The following KCTD8 variants were observed in gnomAD, a reference collection of about 807,000 sequenced individuals.
KCTD8 encodes potassium channel tetramerization domain containing 8, also known as BTB/POZ domain-containing protein KCTD8.
In KCTD8, 27 loss-of-function variants were observed where a neutral mutation model predicts 31.5. The observed-to-expected ratio is 0.86, with a 90% CI of 0.63 to 1.18. The LOEUF is 1.18. Among genes scored for constraint, KCTD8 ranks in the 50% most tolerant of loss-of-function variants. KCTD8 has a pLI of 0.00. For missense variants in KCTD8, 658 were observed against 647.7 expected (o/e 1.02, Z -0.17); for synonymous variants, 290 against 280.0 (o/e 1.04, Z -0.36).
chr4:44,349,097 T>TACCACC (rs140806249), intron 1 of KCTD8, among the ~76,000 whole-genome samples: 2 of 149,440 alleles, frequency 1.3e-5, no homozygotes, highest in African/African-American at 2.5e-5. Context: ...CCACCACCAC[T>TACCACC]ACCACCAATG....
intron 1 of KCTD8, among the ~76,000 whole-genome samples, chr4:44,184,144 G>A (rs2109331780): frequency 6.6e-6 from 1 of 152,328 alleles, no homozygotes; most frequent in South Asian, 2.1e-4. Flanking sequence ...AAGTGCAGAT[G>A]TAGCTAAAGT....
chr4:44,325,144 C>A (rs762838975), intron 1 of KCTD8, among the ~76,000 whole-genome samples: 7 of 151,780 alleles, frequency 4.6e-5, no homozygotes, highest in Non-Finnish European at 8.8e-5. Context: ...TTGAATGCAC[C>A]CTATGTAAAT....
intron 1 of KCTD8, among the ~76,000 whole-genome samples, chr4:44,189,411 TCAACCA>T: frequency 7.3e-6 from 1 of 136,126 alleles, no homozygotes; most frequent in Non-Finnish European, 1.6e-5. Context: ...ATTATATAGA[TCAACCA>T]TTATTGGAAT....
rs544935541 is a variant in KCTD8, at chr4:44,340,474, T to C, written c.961+107089A>G. Among the ~76,000 whole-genome samples the C allele has an allele frequency of 1.1e-4, 17 of 151,526 alleles. No homozygotes were observed. In the East Asian group the frequency reaches 3.3e-3, roughly 30 times the overall value. ...CCACCATGCCTGGCTAATTTTTTTT[T>C]TTTTTTTGTATTTTTAGTAGAGACT... is the stretch of plus-strand genomic sequence containing the variant. On this transcript the variant is annotated intron_variant, in intron 1 of 1. Coordinates refer to ENST00000360029, the MANE Select transcript of KCTD8 (RefSeq NM_198353.3).
At chr4:44,284,174 C>T (rs957337032) in intron 1 of KCTD8, among the ~76,000 whole-genome samples, 1 of 152,134 alleles carries the variant, frequency 6.6e-6, no homozygotes, top group Non-Finnish European at 1.5e-5. Flanking sequence ...ATAGCCAAGA[C>T]AATCCTGGGC....
intron 1 of KCTD8, among the ~76,000 whole-genome samples, chr4:44,333,355 T>G (rs1051018770): frequency 3.9e-5 from 6 of 152,026 alleles, no homozygotes; most frequent in African/African-American, 1.2e-4. Context: ...AAAAGAAGGC[T>G]TTTATAGGAA....
intron 1 of KCTD8, among the ~76,000 whole-genome samples, chr4:44,316,795 G>GAAAAAAAAAAAAGA (rs1718127411): frequency 2.5e-5 from 1 of 40,328 alleles, no homozygotes; most frequent in Non-Finnish European, 6.5e-5. Flanking sequence ...CTAAAAATAC[G>GAAAAAAAAAAAAGA]AAAAAAAAAA....
chr4:44,398,870 T>C (rs1006120830), intron 1 of KCTD8, among the ~76,000 whole-genome samples: 28 of 152,170 alleles, frequency 1.8e-4, no homozygotes, highest in Non-Finnish European at 3.7e-4. Flanking sequence ...CGCATATTGA[T>C]TCCAAAGAAG....
chr4:44,423,129 C>A (rs1721262005), intron 1 of KCTD8, among the ~76,000 whole-genome samples: 1 of 152,086 alleles, frequency 6.6e-6, no homozygotes, highest in African/African-American at 2.4e-5. Flanking sequence ...GGAGAATGTG[C>A]TACTAGCATC....
At chr4:44,374,142 A>C (rs1400848764) in intron 1 of KCTD8, among the ~76,000 whole-genome samples, 1 of 152,172 alleles carries the variant, frequency 6.6e-6, no homozygotes, top group Non-Finnish European at 1.5e-5. Context: ...TTTTTAGATG[A>C]CTGCACAGGC....
intron 1 of KCTD8, among the ~76,000 whole-genome samples, chr4:44,304,276 A>G (rs562433778): frequency 1.8e-4 from 28 of 152,266 alleles, no homozygotes; most frequent in African/African-American, 6.5e-4. Context: ...AAGAATTGAC[A>G]TGTCTGACTC....
At chr4:44,429,220 T>C (rs1480422355) in intron 1 of KCTD8, among the ~76,000 whole-genome samples, 1 of 151,806 alleles carries the variant, frequency 6.6e-6, no homozygotes, top group East Asian at 1.9e-4. Context: ...AAAAAGCTAC[T>C]CTTTCCTCTG....
intron 1 of KCTD8, among the ~76,000 whole-genome samples, chr4:44,232,477 A>G (rs1489228397): frequency 6.6e-6 from 1 of 152,162 alleles, no homozygotes; most frequent in Non-Finnish European, 1.5e-5. Flanking sequence ...TATGGAGCCT[A>G]ACTAATAGGG....
At chr4:44,433,129 G>T (rs1188834961) in intron 1 of KCTD8, among the ~76,000 whole-genome samples, 1 of 151,692 alleles carries the variant, frequency 6.6e-6, no homozygotes, top group African/African-American at 2.4e-5. Flanking sequence ...AAATTTTAAT[G>T]GATCTAAAAT....
At chr4:44,215,524 G>A (rs1050856068) in intron 1 of KCTD8, among the ~76,000 whole-genome samples, 1 of 152,004 alleles carries the variant, frequency 6.6e-6, no homozygotes, top group African/African-American at 2.4e-5. Context: ...GAAAACTAAA[G>A]GCATTTAAAT....
rs376952595 is a variant in KCTD8 at position 44,374,012 on chromosome 4, C to T, written c.961+73551G>A. On this transcript the variant is annotated intron_variant, in intron 1 of 1. Coordinates refer to ENST00000360029, the MANE Select transcript of KCTD8 (RefSeq NM_198353.3). ...TCTTTAGAACACAAAACAGTTTAGG[C>T]GACTACATAAGCAAGATAAGGGAAG... Among the ~76,000 whole-genome samples, 9 of 152,172 alleles carry T rather than the reference C, an allele frequency of 5.9e-5. No homozygotes were observed. The East Asian group carries it at 1.4e-3, about 23-fold the overall frequency.
chr4:44,444,794 G>A (rs929050345), intron 1 of KCTD8, among the ~76,000 whole-genome samples: 50 of 144,902 alleles, frequency 3.5e-4, no homozygotes, highest in African/African-American at 1.2e-3. Flanking sequence ...TGGGGGTGAC[G>A]GGGGTTGGGG....
intron 1 of KCTD8, among the ~76,000 whole-genome samples, chr4:44,377,694 G>T (rs17461072): frequency 0.073 from 11,077 of 152,234 alleles, 464 homozygotes; most frequent in South Asian, 0.11. Context: ...GTCACTGTGG[G>T]ATTTGCTCTT....
At chr4:44,243,746 C>G (rs1432033476) in intron 1 of KCTD8, among the ~76,000 whole-genome samples, 1 of 152,212 alleles carries the variant, frequency 6.6e-6, no homozygotes, top group Non-Finnish European at 1.5e-5. Flanking sequence ...CAAAGCCAGA[C>G]AGCTGCCTTG....
Sources: allele counts gnomAD v4.1 joint callset (sites outside exome capture counted in the v4.1 genomes callset), GRCh38; gene constraint gnomAD v4.1.1; transcripts MANE v1.5; gene names NCBI Gene and HGNC (gene_info 2026-07-23, HGNC 2026-07-21).